The following ADAMTSL3 variants were observed in gnomAD, a reference collection of about 807,000 sequenced individuals.
The protein encoded by ADAMTSL3 is ADAMTS-like protein 3.
ADAMTSL3 carries 128 observed loss-of-function variants against 201.7 expected under a neutral mutation model. The observed-to-expected ratio is 0.63, with a 90% confidence interval of 0.55 to 0.73. ADAMTSL3 has a LOEUF of 0.73. ADAMTSL3 is among the 30% of genes least tolerant of loss of function. The pLI is 0.00. For missense variants in ADAMTSL3, 1,990 were observed against 2,119.6 expected (o/e 0.94, Z 1.20); for synonymous variants, 738 against 748.4 (o/e 0.99, Z 0.23).
rs781185439 is a variant in ADAMTSL3, at chr15:83,982,968, G to A, written c.3340G>A (p.Asp1114Asn). Reference protein sequence around the residue: ...SQLMETGEVSDDLASQLIYQL... With the variant: ...SQLMETGEVSNDLASQLIYQL... ...GCTCATGGAAACCGGAGAGGTCAGC[G>A]ATGATCTTGCGTCCCAGCTGATATA... is the stretch of plus-strand genomic sequence containing the variant. Residue 1114 changes from aspartate (D) to asparagine (N), a missense_variant, in exon 21 of 30, where the codon GAT (aspartate) becomes AAT (asparagine). Physicochemically the swap from Asp to Asn is conservative, Grantham distance 23. Coordinates refer to ENST00000286744, the MANE Select transcript of ADAMTSL3 (RefSeq NM_207517.3). 2.2e-5 allele frequency: 35 copies of A among 1,614,016 alleles called. No individual in the cohort carries two copies. The East Asian group carries it at 4.5e-4, about 21-fold the overall frequency.
chr15:83,681,374 G>T (rs2061474031), intron 2 of ADAMTSL3, among the ~76,000 whole-genome samples: 1 of 152,162 alleles, frequency 6.6e-6, no homozygotes, highest in African/African-American at 2.4e-5. Context: ...AATAAGTCAT[G>T]TGGACATACT....
At chr15:84,031,988 G>A (rs1443895608) in intron 28 of ADAMTSL3, among the ~76,000 whole-genome samples, 1 of 152,154 alleles carries the variant, frequency 6.6e-6, no homozygotes, top group African/African-American at 2.4e-5. Context: ...GGGTCATCCA[G>A]AGATCCAGAT....
chr15:84,022,477 A>AT, intron 26 of ADAMTSL3, among the ~76,000 whole-genome samples: 1 of 152,342 alleles, frequency 6.6e-6, no homozygotes, highest in South Asian at 2.1e-4. Context: ...CTCAGTAAAT[A>AT]TATCTACTTT....
intron 8 of ADAMTSL3, among the ~76,000 whole-genome samples, chr15:83,870,087 T>C (rs986500171): frequency 1.3e-5 from 2 of 152,228 alleles, no homozygotes; most frequent in Non-Finnish European, 2.9e-5. Flanking sequence ...AAACTTTTTT[T>C]CTGTAGGAAA....
intron 23 of ADAMTSL3, among the ~76,000 whole-genome samples, chr15:83,994,559 GGTTT>G (rs1417561639): frequency 6.0e-5 from 8 of 134,048 alleles, no homozygotes; most frequent in Middle Eastern, 4.5e-3. Flanking sequence ...TGTTTTTGTT[GGTTT>G]GTTTCTGTTT....
At chr15:83,905,721 C>A (rs1042221395) in intron 15 of ADAMTSL3, among the ~76,000 whole-genome samples, 4 of 152,190 alleles carry the variant, frequency 2.6e-5, no homozygotes, top group Admixed American at 1.3e-4. Context: ...AATTGCACAT[C>A]TCTAATTGTC....
At chr15:83,784,807 T>G (rs1018335912) in intron 4 of ADAMTSL3, among the ~76,000 whole-genome samples, 6 of 152,176 alleles carry the variant, frequency 3.9e-5, no homozygotes, top group African/African-American at 1.4e-4. Flanking sequence ...TTTTTTTCTT[T>G]ATTCCCATTT....
intron 2 of ADAMTSL3, among the ~76,000 whole-genome samples, chr15:83,694,585 T>TG (rs1168130323): frequency 6.6e-6 from 1 of 152,146 alleles, no homozygotes; most frequent in Non-Finnish European, 1.5e-5. Flanking sequence ...GTAAAATTTT[T>TG]GGGGGGCGGG....
intron 19 of ADAMTSL3, among the ~76,000 whole-genome samples, chr15:83,966,374 C>G (rs1345206961): frequency 1.3e-5 from 2 of 152,114 alleles, no homozygotes; most frequent in African/African-American, 4.8e-5. Flanking sequence ...GAAATACAAA[C>G]TATCATCAGA....
chr15:83,885,454 C>T (rs76700077), intron 10 of ADAMTSL3, among the ~76,000 whole-genome samples: 1 of 148,546 alleles, frequency 6.7e-6, no homozygotes, highest in African/African-American at 2.5e-5. Flanking sequence ...AAAAAAAAAA[C>T]AAAACAAAAC....
At chr15:83,956,655 A>C (rs1278678924) in intron 19 of ADAMTSL3, among the ~76,000 whole-genome samples, 1 of 151,254 alleles carries the variant, frequency 6.6e-6, no homozygotes, top group Non-Finnish European at 1.5e-5. Context: ...CATGTGTTTT[A>C]AGTTACACAC....
chr15:83,691,611 T>G (rs2061609347), intron 2 of ADAMTSL3, among the ~76,000 whole-genome samples: 1 of 152,206 alleles, frequency 6.6e-6, no homozygotes, highest in Non-Finnish European at 1.5e-5. Context: ...TACATTTTCT[T>G]TTCTTCGTTT....
At chr15:83,884,642 T>C (rs2065351756) in intron 9 of ADAMTSL3, among the ~76,000 whole-genome samples, 1 of 152,192 alleles carries the variant, frequency 6.6e-6, no homozygotes, top group African/African-American at 2.4e-5. Flanking sequence ...AGTTGAGTTC[T>C]TGCAGTTGTG....
At chr15:83,888,127 C>T (rs1297661333) in intron 10 of ADAMTSL3, among the ~76,000 whole-genome samples, 4 of 152,174 alleles carry the variant, frequency 2.6e-5, no homozygotes, top group Non-Finnish European at 5.9e-5. Flanking sequence ...TGCATGAGCA[C>T]TTAGCAGTGA....
At chr15:84,027,464 C>G (rs1019599533) in intron 27 of ADAMTSL3, among the ~76,000 whole-genome samples, 1 of 152,178 alleles carries the variant, frequency 6.6e-6, no homozygotes, top group African/African-American at 2.4e-5. Flanking sequence ...GTGACTCACA[C>G]CTGTAATCCC....
intron 7 of ADAMTSL3, among the ~76,000 whole-genome samples, chr15:83,845,434 A>G (rs2064477387): frequency 6.6e-6 from 1 of 152,180 alleles, no homozygotes. Flanking sequence ...GTGGGACTAA[A>G]TGATATTGTG....
chr15:83,960,704 A>T (rs1336827347), intron 19 of ADAMTSL3, among the ~76,000 whole-genome samples: 1 of 152,232 alleles, frequency 6.6e-6, no homozygotes, highest in East Asian at 1.9e-4. Context: ...TATTTGTCTC[A>T]TCAACTATTC....
At chr15:83,672,990 C>T (rs958908191) in intron 2 of ADAMTSL3, among the ~76,000 whole-genome samples, 1 of 152,226 alleles carries the variant, frequency 6.6e-6, no homozygotes, top group Non-Finnish European at 1.5e-5. Context: ...AGAGGTGGAG[C>T]ACTTATGCTG....
Position 83,892,872 on chromosome 15 carries a change from C to T in ADAMTSL3, c.1451C>T (p.Ala484Val). 1 of 1,613,890 alleles carries T rather than the reference C, an allele frequency of 6.2e-7. No individual in the cohort carries two copies. The highest frequency in any genetic ancestry group is 1.1e-5 in the South Asian group (1 of 91,062). ...CNLFDCPKWIAMEWSQCTVTC... is the reference protein window; with the variant it reads ...CNLFDCPKWIVMEWSQCTVTC... ...CTGTTTGATTGCCCCAAGTGGATTGCCATGGAGTGGTCTCAGGTAAGATTT... is the reference window on the plus strand; with the variant it reads ...CTGTTTGATTGCCCCAAGTGGATTGTCATGGAGTGGTCTCAGGTAAGATTT... Residue 484 changes from alanine (A) to valine (V), a missense_variant, in exon 13 of 30, where the codon GCC becomes GTC. By Grantham distance (64) the Ala-to-Val change is moderately conservative. Coordinates refer to ENST00000286744, the MANE Select transcript of ADAMTSL3 (RefSeq NM_207517.3).
Sources: allele counts gnomAD v4.1 joint callset (sites outside exome capture counted in the v4.1 genomes callset), GRCh38; gene constraint gnomAD v4.1.1; transcripts MANE v1.5; gene names NCBI Gene and HGNC (gene_info 2026-07-23, HGNC 2026-07-21).